The following ZBTB20 variants were observed in gnomAD, a reference collection of about 807,000 sequenced individuals.
The protein encoded by ZBTB20 is zinc finger and BTB domain-containing protein 20.
Under a neutral mutation model 56.9 loss-of-function variants are expected in ZBTB20, and 9 were observed. The ratio of observed to expected loss-of-function variants is 0.16; its 90% CI spans 0.10 to 0.28. ZBTB20 has a LOEUF of 0.28. Among genes scored for constraint, ZBTB20 ranks in the 10% least tolerant of loss-of-function variants. The pLI, the probability that ZBTB20 is intolerant of heterozygous loss-of-function variation, is 1.00. For missense variants in ZBTB20, 655 were observed against 1,003.0 expected, an observed-to-expected ratio of 0.65 and a Z score of 4.69; for synonymous variants, 417 against 420.7, an observed-to-expected ratio of 0.99 and a Z score of 0.11.
intron 10 of ZBTB20, chr3:114,367,300 T>C (rs2082516152): frequency 6.6e-6 from 1 of 152,194 alleles, no homozygotes; most frequent in Non-Finnish European, 1.5e-5. Context: ...AGGATCTCAC[T>C]CTGTCACCCA....
chr3:114,894,882 C>G (rs931934726), intron 4 of ZBTB20, among the ~76,000 whole-genome samples: 1 of 152,092 alleles, frequency 6.6e-6, no homozygotes, highest in Admixed American at 6.6e-5. Context: ...CAATATTTAC[C>G]TTGATTCATC....
intron 3 of ZBTB20, chr3:114,930,809 TA>T: frequency 3.4e-6 from 1 of 293,154 alleles, no homozygotes. Context: ...CTTAGCAGTG[TA>T]GGACACGGAG....
chr3:114,457,901 G>A (rs1011657617), intron 7 of ZBTB20, among the ~76,000 whole-genome samples: 2 of 152,160 alleles, frequency 1.3e-5, no homozygotes, highest in African/African-American at 2.4e-5. Flanking sequence ...TTCAGTCAAT[G>A]TGTGTTGAAT....
chr3:114,902,526 T>G (rs2075161381), intron 3 of ZBTB20, among the ~76,000 whole-genome samples: 1 of 152,220 alleles, frequency 6.6e-6, no homozygotes. Flanking sequence ...GTTTATTTTT[T>G]ATATTTCTGA....
intron 7 of ZBTB20, among the ~76,000 whole-genome samples, chr3:114,467,905 C>T (rs2092614025): frequency 6.6e-6 from 1 of 152,146 alleles, no homozygotes; most frequent in Admixed American, 6.5e-5. Context: ...AGAAAAATTT[C>T]CATAAATGCT....
intron 6 of ZBTB20, among the ~76,000 whole-genome samples, chr3:114,623,823 C>A (rs1237271281): frequency 2.0e-5 from 3 of 151,688 alleles, no homozygotes; most frequent in Non-Finnish European, 2.9e-5. Flanking sequence ...ATCTTCCTCC[C>A]CCCAACAAGC....
At chr3:114,458,450 T>A (rs2092151082) in intron 7 of ZBTB20, among the ~76,000 whole-genome samples, 1 of 152,174 alleles carries the variant, frequency 6.6e-6, no homozygotes, top group South Asian at 2.1e-4. Context: ...TAGTTGAAGC[T>A]TTTTGTTTGG....
chr3:114,424,003 G>GCA (rs2089426683), intron 7 of ZBTB20, among the ~76,000 whole-genome samples: 1 of 152,298 alleles, frequency 6.6e-6, no homozygotes, highest in South Asian at 2.1e-4. Flanking sequence ...TCAATGCTTG[G>GCA]CAGAGGTCAA....
rs146565227 is a variant in ZBTB20, at chr3:114,416,546, C to T, written c.-254-27441G>A. Among the ~76,000 whole-genome samples the T allele has an allele frequency of 4.1e-3, 631 of 152,122 alleles. 12 individuals are homozygous for T. Among genetic ancestry groups the T allele is most frequent in the South Asian group, 0.028 (137 of 4,820 alleles). ...GAAGCTGGCTAAGTATAGACGCAGA[C>T]GGTGAAACTCAATCGCAGAGTGCTG... is the stretch of plus-strand genomic sequence containing the variant. On this transcript the variant is annotated intron_variant, in intron 7 of 11. Transcript: ENST00000675478.
intron 5 of ZBTB20, among the ~76,000 whole-genome samples, chr3:114,757,606 G>T (rs2108680766): frequency 6.6e-6 from 1 of 152,206 alleles, no homozygotes; most frequent in East Asian, 1.9e-4. Flanking sequence ...ACTTTAAGGA[G>T]GCTGCCTCTT....
At chr3:114,675,069 A>G (rs1418023698) in intron 6 of ZBTB20, among the ~76,000 whole-genome samples, 1 of 148,030 alleles carries the variant, frequency 6.8e-6, no homozygotes, top group Non-Finnish European at 1.5e-5. Flanking sequence ...ATATGAATAT[A>G]TATTATATAT....
intron 2 of ZBTB20, among the ~76,000 whole-genome samples, chr3:115,056,090 G>C (rs2081770032): frequency 6.6e-6 from 1 of 152,020 alleles, no homozygotes; most frequent in African/African-American, 2.4e-5. Context: ...TTAAAATACA[G>C]TCTTACAAAA....
chr3:114,664,618 C>T (rs1277825903), intron 6 of ZBTB20, among the ~76,000 whole-genome samples: 6 of 151,956 alleles, frequency 3.9e-5, no homozygotes, highest in African/African-American at 1.5e-4. Flanking sequence ...CACACACACA[C>T]ACACACACAC....
chr3:114,709,107 T>C (rs1373458833), intron 5 of ZBTB20, among the ~76,000 whole-genome samples: 2 of 152,128 alleles, frequency 1.3e-5, no homozygotes, highest in Admixed American at 6.6e-5. Context: ...AAATAAAAAA[T>C]CTTATTAAAT....
At chr3:114,960,526 C>T (rs772437607) in intron 3 of ZBTB20, among the ~76,000 whole-genome samples, 2 of 152,192 alleles carry the variant, frequency 1.3e-5, no homozygotes, top group Non-Finnish European at 2.9e-5. Flanking sequence ...GATTTCATAA[C>T]GTTTACAAAC....
intron 2 of ZBTB20, among the ~76,000 whole-genome samples, chr3:115,022,603 T>C (rs1024080285): frequency 3.3e-5 from 5 of 151,014 alleles, no homozygotes; most frequent in Admixed American, 6.6e-5. Flanking sequence ...CTTATCTTCA[T>C]TTCTTCACCT....
chr3:114,766,591 A>T (rs1475685360), intron 5 of ZBTB20, among the ~76,000 whole-genome samples: 1 of 151,750 alleles, frequency 6.6e-6, no homozygotes, highest in African/African-American at 2.4e-5. Context: ...ACAGGAAGTT[A>T]TAGCGTTATA....
intron 2 of ZBTB20, among the ~76,000 whole-genome samples, chr3:115,060,246 T>C (rs1295676821): frequency 6.6e-6 from 1 of 152,228 alleles, no homozygotes; most frequent in Non-Finnish European, 1.5e-5. Flanking sequence ...ACTTAAAGCA[T>C]CTTTGACTTC....
At chr3:114,355,530 T>C (rs1264857402) in intron 10 of ZBTB20, among the ~76,000 whole-genome samples, 1 of 152,232 alleles carries the variant, frequency 6.6e-6, no homozygotes, top group African/African-American at 2.4e-5. Context: ...CAGCACACAA[T>C]GCTGAGGCAA....
Sources: gnomAD v4.1 joint callset for allele counts (sites outside exome capture counted in the v4.1 genomes callset) on GRCh38, gnomAD v4.1.1 for gene constraint, MANE v1.5 for transcripts, NCBI Gene and HGNC (gene_info 2026-07-23, HGNC 2026-07-21) for gene names.